FAM3A: variants seen among roughly 807,000 people sequenced by gnomAD.
FAM3A encodes the protein protein FAM3A.
In FAM3A, 5 loss-of-function variants were observed where a neutral mutation model predicts 18.1. That is an observed-to-expected ratio of 0.28 (90% CI 0.14 to 0.58). The LOEUF (loss-of-function observed/expected upper bound fraction) is 0.58. Ranked by LOEUF, FAM3A falls within the 20% of genes least tolerant of loss-of-function variation. The probability of loss-of-function intolerance (pLI) is 0.91; values close to 1 mark genes in which losing one functional copy is unlikely to be tolerated. For missense variants in FAM3A, 154 were observed against 216.6 expected, an observed-to-expected ratio of 0.71 and a Z score of 1.81; for synonymous variants, 108 against 90.2, an observed-to-expected ratio of 1.20 and a Z score of -1.12.
At chrX:154,512,793 GAGA>G (rs782599120) in intron 2 of FAM3A, 27 bp downstream of exon 2, 18 of 1,124,551 alleles carry the variant, frequency 1.6e-5, no homozygotes, top group Middle Eastern at 4.9e-4. Flanking sequence ...GTGGCCTCCA[GAGA>G]AGGATAAGGC....
rs781920259 is a variant in FAM3A, at chrX:154,507,301, T to C, written c.499A>G (p.Ser167Gly). The change falls in exon 8 of 9, where the codon AGT becomes GGT. Residue 167 changes from serine to glycine, a missense_variant. This residue lies in a region of FAM3A where 112 missense variants were observed against 160.0 expected (regional missense o/e 0.70). Transcript: ENST00000447601. ...TTGGCGTTCCTGCTGCCCAGCTCAC[T>C]GAAGAGCTTTCTGGTCTCTTCATTC... ...KMNEETRKLF[S>G]ELGSRNAKEL... The C allele has an allele frequency of 5.0e-6, 6 of 1,211,694 alleles. No homozygotes were observed. In the South Asian group the frequency reaches 5.3e-5, roughly 11 times the overall value.
chrX:154,506,568 ACGAAAAGGAGG>A lies in FAM3A; in HGVS notation c.*232_*242del. On this transcript the variant is annotated 3_prime_UTR_variant, in exon 9 of 9. Transcript: ENST00000447601. ...TGGGCTGACCGGGGGGAACAGTGTT[ACGAAAAGGAGG>A]CGGGTACCCTGGGCTCCCGTGACAA... 1 of 404,760 alleles carries A rather than the reference ACGAAAAGGAGG, an allele frequency of 2.5e-6. No individual in the cohort carries two copies. 33.4% of individuals were successfully genotyped at this position (404,760 alleles called of 1,213,427 possible).
intron 8 of FAM3A, 116 bp from the exon 9 acceptor site, chrX:154,507,022 G>C (rs2069572866): frequency 1.2e-5 from 11 of 887,644 alleles, no homozygotes; most frequent in African/African-American, 2.0e-5. Context: ...TGTACTCTCA[G>C]GGCACTTGGC....
intron 3 of FAM3A, 57 bp downstream of exon 3, chrX:154,511,791 C>T (rs921816959): frequency 4.4e-6 from 5 of 1,131,080 alleles, no homozygotes; most frequent in East Asian, 3.0e-5. Context: ...CCTACGGGAC[C>T]GGGGGCAGGC....
chrX:154,506,940 G>T (rs781954927), intron 8 of FAM3A, 34 bp from the exon 9 acceptor site: 7 of 1,131,296 alleles, frequency 6.2e-6, no homozygotes, highest in Non-Finnish European at 8.5e-6. Context: ...CATGACTTTG[G>T]CCCTCAGGGA....
intron 1 of FAM3A, among the ~76,000 whole-genome samples, chrX:154,515,529 T>C (rs1215845545): frequency 9.8e-5 from 11 of 112,252 alleles, no homozygotes; most frequent in Non-Finnish European, 1.3e-4. Context: ...GCTACCTGCG[T>C]TGGGAGATAC....
intron 8 of FAM3A, 77 bp downstream of exon 8, chrX:154,507,126 C>T: frequency 8.8e-7 from 1 of 1,132,922 alleles, no homozygotes; most frequent in South Asian, 2.0e-5. Context: ...GCGTGAGCAG[C>T]TGGGGAGGCT....
At chrX:154,507,885 G>T (rs1557220050) in intron 5 of FAM3A, 24 bp from the exon 6 acceptor site, 1 of 1,179,880 alleles carries the variant, frequency 8.5e-7, no homozygotes, top group East Asian at 3.1e-5. Flanking sequence ...GAGGGGCCCT[G>T]CTGGGTAAGC....
At chrX:154,511,969 G>A in intron 2 of FAM3A, 98 bp from the exon 3 acceptor site, 1 of 802,632 alleles carries the variant, frequency 1.2e-6, no homozygotes, top group Non-Finnish European at 1.9e-6. Context: ...GACACAGGCA[G>A]TCAGGCTCAG....
chrX:154,514,828 C>T (rs781832042), intron 1 of FAM3A, among the ~76,000 whole-genome samples: 2 of 112,108 alleles, frequency 1.8e-5, no homozygotes, highest in Non-Finnish European at 3.8e-5. Context: ...AGATTACAGG[C>T]GTGAGCCACT....
intron 1 of FAM3A, among the ~76,000 whole-genome samples, chrX:154,515,099 C>T (rs183026070): frequency 3.6e-5 from 4 of 111,258 alleles, no homozygotes; most frequent in Non-Finnish European, 3.8e-5. Flanking sequence ...GGATTACAGG[C>T]GTGAGCCACC....
At chrX:154,507,086 T>C (rs1461862110) in intron 8 of FAM3A, 117 bp downstream of exon 8, 102 of 1,025,354 alleles carry the variant, frequency 9.9e-5, no homozygotes, top group Admixed American at 1.9e-4. Context: ...CCACCCCTCA[T>C]AGCTGGACTG....
chrX:154,511,615 A>T (rs2069874334), intron 3 of FAM3A, among the ~76,000 whole-genome samples: 1 of 111,771 alleles, frequency 8.9e-6, no homozygotes, highest in Admixed American at 9.5e-5. Context: ...TTTCCTTCCA[A>T]GTTGCCCTTT....
rs782791470 is a variant in FAM3A, at chrX:154,512,856, T to C, written c.94A>G (p.Ser32Gly). 1.7e-6 allele frequency: 2 copies of C among 1,210,557 alleles called. No individual in the cohort carries two copies. Among genetic ancestry groups the C allele is most frequent in the South Asian group, 1.8e-5 (1 of 56,999 alleles). The change falls in exon 2 of 9, where the codon AGT (serine) becomes GGT (glycine). Residue 32 changes from serine (S) to glycine (G), a missense_variant. Around this residue, in one of 3 missense-constraint regions of FAM3A, gnomAD observed 112 missense variants for 160.0 expected, o/e 0.70. Transcript: ENST00000447601. Reference protein sequence around the residue: ...VVSILLGGPGSGFPRIQQLFT... With the variant: ...VVSILLGGPGGGFPRIQQLFT... Reference sequence around the variant, plus strand: ...AGTTGCTGGATGCGAGGAAAGCCACTGCCAGGCCCACCCAGGAGGATGCTG... The same window carrying C: ...AGTTGCTGGATGCGAGGAAAGCCACCGCCAGGCCCACCCAGGAGGATGCTG...
intron 2 of FAM3A, 101 bp downstream of exon 2, chrX:154,512,722 T>C: frequency 3.7e-5 from 21 of 560,897 alleles, no homozygotes; most frequent in South Asian, 3.6e-4. Context: ...AGGGAGGAGA[T>C]AGAAAACCCA....
intron 6 of FAM3A, 135 bp downstream of exon 6, chrX:154,507,676 G>A (rs782578360): frequency 5.2e-4 from 433 of 829,404 alleles, no homozygotes; most frequent in Admixed American, 1.4e-3. Flanking sequence ...CCAAGCTGGC[G>A]ATGCCCCTGT....
intron 3 of FAM3A, chrX:154,509,750 CA>C (rs1156707496): frequency 9.0e-6 from 1 of 111,706 alleles, no homozygotes; most frequent in Non-Finnish European, 1.9e-5. Flanking sequence ...GTAACTAACT[CA>C]CCCATAATAG....
In FAM3A at chrX:154,512,898, C is replaced by T; in HGVS notation, c.52G>A (p.Val18Ile). The change falls in exon 2 of 9, where the codon GTC becomes ATC. Residue 18 changes from valine (V) to isoleucine (I), a missense_variant. Transcript: ENST00000447601. Reference sequence around the variant, plus strand: ...AGGATGCTGACCACGATCCATGTGACACCCACACTGACGACTAGGACCACA... The same window carrying T: ...AGGATGCTGACCACGATCCATGTGATACCCACACTGACGACTAGGACCACA... ...RIVVLVVSVG[V>I]TWIVVSILLG... 1 of 1,211,218 alleles carries T rather than the reference C, an allele frequency of 8.3e-7. No homozygotes were observed. The highest frequency in any genetic ancestry group is 1.1e-6 in the Non-Finnish European group (1 of 894,798).
rs782576708 is a variant in FAM3A at position 154,508,578 on chromosome X, G to A, written c.171C>T (p.Tyr57=). 1 of 1,194,503 alleles carries A rather than the reference G, an allele frequency of 8.4e-7. No homozygotes were observed. Among genetic ancestry groups the A allele is most frequent in the African/African-American group, 1.7e-5 (1 of 57,393 alleles). The change falls in exon 4 of 9, where the codon TAC becomes TAT. Residue 57 remains tyrosine, a synonymous_variant. Coordinates refer to ENST00000447601, the MANE Select transcript of FAM3A (RefSeq NM_021806.4). ...GACACGGCTGGGGCAGGCCACACTTGTACTTCCTGGCCCGTGGCGCTGGGC... is the reference window on the plus strand; with the variant it reads ...GACACGGCTGGGGCAGGCCACACTTATACTTCCTGGCCCGTGGCGCTGGGC... The part of the protein sequence containing the change: ...SVTAAPRARK[Y]KCGLPQPCPE...
Sources: allele counts gnomAD v4.1 joint callset (sites outside exome capture counted in the v4.1 genomes callset), GRCh38; gene constraint gnomAD v4.1.1; regional missense constraint gnomAD v4.1.1; transcripts MANE v1.5; gene names NCBI Gene and HGNC (gene_info 2026-07-23, HGNC 2026-07-21).